OC90: variants seen among roughly 807,000 people sequenced by gnomAD.
OC90 encodes the protein otoconin-90.
In OC90, 46 loss-of-function variants were observed where a neutral mutation model predicts 47.3. The observed-to-expected ratio is 0.97, with a 90% CI of 0.77 to 1.24. The LOEUF is 1.24. OC90 is among the 50% of genes most tolerant of loss of function. The pLI, the probability that OC90 is intolerant of heterozygous loss-of-function variation, is 0.00. For missense variants in OC90, 688 were observed against 583.9 expected, an observed-to-expected ratio of 1.18 and a Z score of -1.84; for synonymous variants, 271 against 219.5, an observed-to-expected ratio of 1.23 and a Z score of -2.07.
At position 132,041,104 on chromosome 8, in the gene OC90, G is replaced by GA. The variant is rs753036250; in HGVS notation, c.396dup (p.Leu133SerfsTer8). 6.2e-7 allele frequency: 1 copy of GA among 1,613,930 alleles called. No individual in the cohort carries two copies. The highest frequency in any genetic ancestry group is 1.1e-5 in the South Asian group (1 of 91,084). On this transcript the variant is annotated frameshift_variant, in exon 6 of 14. Transcript: ENST00000254627. LOFTEE classifies it high-confidence loss of function. ...GTGCTAAGTTTGGCGGGGTCTTGGA[G>GA]ACAGTCCATCTCAGCGGCCTCCTCA...
At position 132,037,568 on chromosome 8, in the gene OC90, G is replaced by T. The variant is rs529162953; in HGVS notation, c.629-80C>A. On this transcript the variant is annotated intron_variant, in intron 8 of 13. Coordinates refer to ENST00000254627, the MANE Select transcript of OC90 (RefSeq NM_001080399.3). ...AAGCACAGGGTCTCAAAGGAAAACA[G>T]GCTGGTTGCTGGCCCAAGGGAGGAA... 15 of 1,257,576 alleles carry T rather than the reference G, an allele frequency of 1.2e-5. No homozygotes were observed. The East Asian group carries it at 3.3e-4, about 28-fold the overall frequency. The allele number at this position is 1,257,576 out of a possible 1,614,324, so 77.9% of individuals were successfully genotyped here.
chr8:132,031,759 G>A (rs1822877914), intron 12 of OC90, 122 bp downstream of exon 12: 1 of 764,890 alleles, frequency 1.3e-6, no homozygotes, highest in African/African-American at 1.7e-5. Context: ...GAGCTGCTGT[G>A]TGCACCAAGC....
At chr8:132,036,387 G>A (rs1218741914) in intron 9 of OC90, 2 of 780,830 alleles carry the variant, frequency 2.6e-6, no homozygotes, top group South Asian at 1.3e-5. Flanking sequence ...TGGAGAGAGT[G>A]ATCAGTCTGT....
intron 2 of OC90, chr8:132,049,665 C>T: frequency 3.0e-6 from 1 of 328,722 alleles, no homozygotes; most frequent in South Asian, 2.6e-5. Context: ...AATTAATAGC[C>T]TGACATACCT....
At chr8:132,035,529 A>G (rs1011232941) in intron 9 of OC90, among the ~76,000 whole-genome samples, 3 of 152,224 alleles carry the variant, frequency 2.0e-5, no homozygotes, top group Non-Finnish European at 4.4e-5. Flanking sequence ...TGCCACACGA[A>G]AAAATGTTAG....
In OC90 at chr8:132,041,586, C is replaced by A. The variant is rs1430972044; in HGVS notation, c.283G>T (p.Glu95Ter). ...CVAGLCPRDFEDYGCTCRFEM... is the reference protein window; with the variant it reads ...CVAGLCPRDF ...AACCTGCAGGTGCAACCATAGTCTT[C>A]AAAGTCTCGGGGGCAGAGACCAGCC... Residue 95 changes from glutamate to a stop codon, truncating the protein, a stop_gained, in exon 5 of 14, where the codon GAA becomes TAA. Coordinates refer to ENST00000254627, the MANE Select transcript of OC90 (RefSeq NM_001080399.3). LOFTEE classifies it high-confidence loss of function. 1 of 1,613,262 alleles carries A rather than the reference C, an allele frequency of 6.2e-7. No individual in the cohort carries two copies. The highest frequency in any genetic ancestry group is 8.5e-7 in the Non-Finnish European group (1 of 1,179,660).
In OC90 at chr8:132,024,688, G is replaced by C. The variant is rs941296129; in HGVS notation, c.1227C>G (p.Ser409Arg). Residue 409 changes from serine (S) to arginine (R), a missense_variant, in exon 14 of 14, where the codon AGC becomes AGG. By Grantham distance (110) the Ser-to-Arg change is moderately radical. Transcript: ENST00000254627. ...ACCCGAGTCTGCTTGGGGACTTGAGGCTTTGGTTAAAGGAGGCAGAGGTCA... is the reference window on the plus strand; with the variant it reads ...ACCCGAGTCTGCTTGGGGACTTGAGCCTTTGGTTAAAGGAGGCAGAGGTCA... ...ECMTSASFNQSLKSPSRLGCP... is the reference protein window; with the variant it reads ...ECMTSASFNQRLKSPSRLGCP... 2.5e-6 allele frequency: 4 copies of C among 1,613,734 alleles called. No homozygotes were observed. The highest frequency in any genetic ancestry group is 1.3e-5 in the African/African-American group (1 of 75,044).
intron 1 of OC90, among the ~76,000 whole-genome samples, chr8:132,056,934 T>G (rs1823286557): frequency 6.6e-6 from 1 of 152,160 alleles, no homozygotes. Context: ...GATCTTCCAG[T>G]CCAAGCTCCT....
At chr8:132,028,943 AAAAG>A (rs1456249832) in intron 13 of OC90, 126 bp downstream of exon 13, 9 of 621,794 alleles carry the variant, frequency 1.4e-5, no homozygotes, top group East Asian at 2.9e-5. Context: ...GGAAGGAAGG[AAAAG>A]AAAGAAAGAA....
At chr8:132,059,173 C>T (rs750970709) in intron 1 of OC90, among the ~76,000 whole-genome samples, 168 bp downstream of exon 1, 1 of 149,936 alleles carries the variant, frequency 6.7e-6, no homozygotes, top group African/African-American at 2.5e-5. Flanking sequence ...CCAACCATTT[C>T]CCTCCCTCCC....
At chr8:132,042,913 G>T (rs1013612527) in intron 4 of OC90, among the ~76,000 whole-genome samples, 1 of 152,290 alleles carries the variant, frequency 6.6e-6, no homozygotes, top group Middle Eastern at 3.4e-3. Flanking sequence ...TTCCGCTACT[G>T]GAATTTTCCC....
chr8:132,040,564 T>C (rs1823037576), intron 6 of OC90, among the ~76,000 whole-genome samples: 2 of 152,188 alleles, frequency 1.3e-5, no homozygotes, highest in East Asian at 3.8e-4. Flanking sequence ...CACGCCTTAT[T>C]CACGTATCAC....
At chr8:132,046,359 TCTCA>T (rs1250481577) in intron 2 of OC90, among the ~76,000 whole-genome samples, 2 of 152,198 alleles carry the variant, frequency 1.3e-5, no homozygotes, top group Non-Finnish European at 2.9e-5. Flanking sequence ...ATTTCTGTGC[TCTCA>T]CTCAAGTTTG....
rs1357317685 is a variant in OC90, at chr8:132,041,050, T to C, written c.451A>G (p.Ile151Val). 1.3e-6 allele frequency: 2 copies of C among 1,581,066 alleles called. No homozygotes were observed. The highest frequency in any genetic ancestry group is 1.1e-5 in the South Asian group (1 of 90,426). ...GACACCTGGAGATGCTTACCACATA[T>C]GATCTTCTTGCTGACACAATTGACC... The part of the protein sequence containing the change: ...TEVNCVSKKI[I>V]CESKDNCEHL... The change falls in exon 6 of 14, where the codon ATA becomes GTA. Residue 151 changes from isoleucine to valine, a missense_variant. Transcript: ENST00000254627.
chr8:132,053,420 A>T (rs964372025), intron 2 of OC90, among the ~76,000 whole-genome samples: 5 of 152,232 alleles, frequency 3.3e-5, no homozygotes, highest in African/African-American at 7.2e-5. Flanking sequence ...AACATCCAAT[A>T]GTTGAACCAC....
At position 132,026,784 on chromosome 8, in the gene OC90, C is replaced by T. The variant is rs185544124; in HGVS notation, c.1139-2008G>A. Reference sequence around the variant, plus strand: ...TGCATCATGTGACAACTCATGGGCTCTAAACCCTCCCCTGGCTCCTCATCC... The same window carrying T: ...TGCATCATGTGACAACTCATGGGCTTTAAACCCTCCCCTGGCTCCTCATCC... On this transcript the variant is annotated intron_variant, in intron 13 of 13. Coordinates refer to ENST00000254627, the MANE Select transcript of OC90 (RefSeq NM_001080399.3). Among the ~76,000 whole-genome samples the T allele has an allele frequency of 2.0e-3, 310 of 152,288 alleles. 1 individual carries two copies. Among genetic ancestry groups the T allele is most frequent in the Non-Finnish European group, 3.3e-3 (227 of 68,026 alleles).
In OC90 at chr8:132,038,457, C is replaced by T. The variant is rs372941818; in HGVS notation, c.628+333G>A. Among the ~76,000 whole-genome samples the T allele has an allele frequency of 6.6e-5, 10 of 152,236 alleles. No individual in the cohort carries two copies. In the East Asian group the frequency reaches 9.7e-4, roughly 15 times the overall value. On this transcript the variant is annotated intron_variant, in intron 8 of 13. Coordinates refer to ENST00000254627, the MANE Select transcript of OC90 (RefSeq NM_001080399.3). Reference sequence around the variant, plus strand: ...GAGACTTCACTCCACCTGAGCACTACGTCTTGTCCCAGTCACACTACATAC... The same window carrying T: ...GAGACTTCACTCCACCTGAGCACTATGTCTTGTCCCAGTCACACTACATAC...
At chr8:132,044,141 T>C (rs964101518) in intron 4 of OC90, among the ~76,000 whole-genome samples, 9 of 152,184 alleles carry the variant, frequency 5.9e-5, no homozygotes, top group Admixed American at 3.3e-4. Context: ...GTCACTCAAC[T>C]CCCTTCGGTT....
chr8:132,059,069 CCTCT>C (rs143051657), intron 1 of OC90, among the ~76,000 whole-genome samples: 9,040 of 146,538 alleles, frequency 0.062, 320 homozygotes, highest in African/African-American at 0.076. Flanking sequence ...TCCCTTCTAC[CCTCT>C]CTTTCTCCCT....
Sources: gnomAD v4.1 joint callset for allele counts (sites outside exome capture counted in the v4.1 genomes callset) on GRCh38, gnomAD v4.1.1 for gene constraint, MANE v1.5 for transcripts, NCBI Gene and HGNC (gene_info 2026-07-23, HGNC 2026-07-21) for gene names.